WNT7B: variants seen among roughly 807,000 people sequenced by gnomAD.
WNT7B encodes the protein protein Wnt-7b.
In WNT7B, 19 loss-of-function variants were observed where a neutral mutation model predicts 38.2. That is an observed-to-expected ratio of 0.50 (90% confidence interval 0.35 to 0.73). The LOEUF is 0.73. Ranked by LOEUF, WNT7B falls within the 30% of genes least tolerant of loss-of-function variation. The probability of loss-of-function intolerance (pLI) is 0.01; values close to 1 mark genes in which losing one functional copy is unlikely to be tolerated. For missense variants in WNT7B, 423 were observed against 507.9 expected (o/e 0.83, Z 1.61); for synonymous variants, 243 against 209.3 (o/e 1.16, Z -1.39).
chr22:45,974,991 C>T (rs972216054), intron 1 of WNT7B, among the ~76,000 whole-genome samples: 8 of 152,106 alleles, frequency 5.3e-5, no homozygotes, highest in South Asian at 2.1e-4. Context: ...CCCACTCACT[C>T]GTGGGAGGAA....
At chr22:45,931,016 AGAG>A in intron 3 of WNT7B, 79 bp downstream of exon 3, 1 of 1,459,202 alleles carries the variant, frequency 6.9e-7, no homozygotes, top group Non-Finnish European at 9.0e-7. Context: ...TTCTGCTAGA[AGAG>A]GAGCCTGAGG....
chr22:45,974,319 A>G lies in WNT7B; in HGVS notation c.71+2365T>C, dbSNP rs115369792. Among the ~76,000 whole-genome samples, 574 of 152,214 alleles carry G rather than the reference A, an allele frequency of 3.8e-3. 6 individuals are homozygous for G. Among genetic ancestry groups the G allele is most frequent in the African/African-American group, 0.013 (546 of 41,520 alleles). On this transcript the variant is annotated intron_variant, in intron 1 of 3. Coordinates refer to ENST00000339464, the MANE Select transcript of WNT7B (RefSeq NM_058238.3). Reference sequence around the variant, plus strand: ...CAGCCCATTGGTCCCAGACTCCCCAACCTCCTCCTTAATGCAATGGGCTTC... The same window carrying G: ...CAGCCCATTGGTCCCAGACTCCCCAGCCTCCTCCTTAATGCAATGGGCTTC...
intron 1 of WNT7B, chr22:45,972,207 C>G: frequency 1.5e-6 from 1 of 648,608 alleles, no homozygotes; most frequent in East Asian, 3.4e-5. Flanking sequence ...TAGACGGAGA[C>G]GAGCGCGCTG....
Position 45,965,698 on chromosome 22 carries a change from A to T in WNT7B, c.71+10986T>A, listed in dbSNP as rs923173448. ...GGGGCGAAAGCAGGACAAGACCCAGAACAGAAGGCCTCTGGGCTTCCCATA... is the reference window on the plus strand; with the variant it reads ...GGGGCGAAAGCAGGACAAGACCCAGTACAGAAGGCCTCTGGGCTTCCCATA... On this transcript the variant is annotated intron_variant, in intron 1 of 3. Transcript: ENST00000339464. The surrounding 1 kb of genome is among the most constrained non-coding windows in gnomAD (Gnocchi z 6.5). Among the ~76,000 whole-genome samples, 8 of 152,296 alleles carry T rather than the reference A, an allele frequency of 5.3e-5. No homozygotes were observed. Among genetic ancestry groups the T allele is most frequent in the Non-Finnish European group, 8.8e-5 (6 of 68,002 alleles).
chr22:45,970,232 T>G (rs998869988), intron 1 of WNT7B, among the ~76,000 whole-genome samples: 3 of 152,206 alleles, frequency 2.0e-5, no homozygotes, highest in Non-Finnish European at 4.4e-5. Flanking sequence ...GGATGCAGTC[T>G]GCCTTCCTGT....
chr22:45,931,413 G>A (rs1333312980), intron 2 of WNT7B, 44 bp from the exon 3 acceptor site: 2 of 1,529,848 alleles, frequency 1.3e-6, no homozygotes, highest in South Asian at 1.2e-5. Context: ...CCAGGCCCTG[G>A]GCCAGGTGGG....
At chr22:45,953,565 G>C (rs1931988749) in intron 1 of WNT7B, among the ~76,000 whole-genome samples, 1 of 152,150 alleles carries the variant, frequency 6.6e-6, no homozygotes, top group African/African-American at 2.4e-5. Context: ...ACAACCCAGT[G>C]TTACAATGAG....
rs141987213 is a variant in WNT7B at position 45,959,044 on chromosome 22, G to A, written c.72-8898C>T. 2.8e-3 allele frequency among the ~76,000 whole-genome samples: 429 copies of A among 152,320 alleles called. 1 individual carries two copies. Among genetic ancestry groups the A allele is most frequent in the Non-Finnish European group, 4.8e-3 (326 of 68,030 alleles). ...GGCAGAACCCTGTCTTACTCCCCAC[G>A]ATATGCTGGGCCTGGTGCAAGGCCA... On this transcript the variant is annotated intron_variant, in intron 1 of 3. Coordinates refer to ENST00000339464, the MANE Select transcript of WNT7B (RefSeq NM_058238.3).
intron 2 of WNT7B, among the ~76,000 whole-genome samples, chr22:45,948,318 A>G (rs1416221028): frequency 6.6e-6 from 1 of 152,080 alleles, no homozygotes; most frequent in Non-Finnish European, 1.5e-5. Flanking sequence ...ACCTGGAGGG[A>G]GGGAACTGCA....
chr22:45,972,133 G>A (rs769924586), intron 1 of WNT7B: 9 of 147,622 alleles, frequency 6.1e-5, no homozygotes, highest in South Asian at 1.5e-4. Context: ...CGCCCACCCC[G>A]CACGCCGCCC....
At chr22:45,952,612 G>A (rs759938101) in intron 1 of WNT7B, among the ~76,000 whole-genome samples, 1 of 152,260 alleles carries the variant, frequency 6.6e-6, no homozygotes, top group Non-Finnish European at 1.5e-5. Context: ...CAGCCTGAGG[G>A]ACACTCTCCA....
At chr22:45,956,983 G>A (rs1932079561) in intron 1 of WNT7B, among the ~76,000 whole-genome samples, 1 of 152,050 alleles carries the variant, frequency 6.6e-6, no homozygotes, top group Non-Finnish European at 1.5e-5. Context: ...GCGTGTGCCT[G>A]TAGTCCCAGC....
chr22:45,967,282 C>T (rs749654309), intron 1 of WNT7B, among the ~76,000 whole-genome samples: 13 of 152,076 alleles, frequency 8.5e-5, no homozygotes, highest in Non-Finnish European at 1.6e-4. Flanking sequence ...GGAGGGCGCC[C>T]GGCCTCCTGT....
chr22:45,943,015 G>A (rs765287786), intron 2 of WNT7B, among the ~76,000 whole-genome samples: 15 of 151,568 alleles, frequency 9.9e-5, no homozygotes, highest in Non-Finnish European at 2.1e-4. Context: ...TGTGTGCAGT[G>A]TGCATGTGTA....
At chr22:45,927,220 C>A (rs919898524) in intron 3 of WNT7B, 2 of 985,304 alleles carry the variant, frequency 2.0e-6, no homozygotes, top group Non-Finnish European at 1.2e-6. Flanking sequence ...GCACTGGGCA[C>A]TCAGGTCTCC....
chr22:45,922,271 AGGGTGTCTAGGGGATG>A lies in WNT7B; in HGVS notation c.*569_*584del, dbSNP rs1248759365. On this transcript the variant is annotated 3_prime_UTR_variant, in exon 4 of 4. Transcript: ENST00000339464. ...CAGGTGGGGCCGGGAAAGGAAACAG[AGGGTGTCTAGGGGATG>A]GGCTGACACAGAGTACGGAGTTAGG... is the stretch of plus-strand genomic sequence containing the variant. The A allele has an allele frequency of 6.6e-6, 1 of 152,630 alleles. No homozygotes were observed. Among genetic ancestry groups the A allele is most frequent in the Non-Finnish European group, 1.5e-5 (1 of 68,504 alleles). The allele number at this position is 152,630 out of a possible 1,614,324, so 9.5% of individuals were successfully genotyped here. A position where few individuals can be genotyped will look rare whatever the true frequency, so the allele number is the denominator to read the frequency against.
At chr22:45,945,417 T>C (rs1374981947) in intron 2 of WNT7B, among the ~76,000 whole-genome samples, 1 of 152,238 alleles carries the variant, frequency 6.6e-6, no homozygotes, top group Non-Finnish European at 1.5e-5. Context: ...ATTTAGCCAA[T>C]ATATCCAAAA....
rs1931346850 is a variant in WNT7B, at chr22:45,931,270, C to T, written c.398G>A (p.Cys133Tyr). The change falls in exon 3 of 4, where the codon TGC becomes TAC. Residue 133 changes from cysteine (C) to tyrosine (Y), a missense_variant. Cys to Tyr is a radical substitution (Grantham distance 194, BLOSUM62 -2). Coordinates refer to ENST00000339464, the MANE Select transcript of WNT7B (RefSeq NM_058238.3). ...GTAGTAGCCCTGCTTCTCGCGGTCG[C>T]AGCCGCAGTTGCTCAGGTTCCCTTG... is the stretch of plus-strand genomic sequence containing the variant. Reference protein sequence around the residue: ...CSQGNLSNCGCDREKQGYYNQ... With the variant: ...CSQGNLSNCGYDREKQGYYNQ... 6.3e-7 allele frequency: 1 copy of T among 1,598,652 alleles called. No individual in the cohort carries two copies. The highest frequency in any genetic ancestry group is 8.5e-7 in the Non-Finnish European group (1 of 1,179,766).
chr22:45,927,010 C>A, intron 3 of WNT7B: 1 of 985,468 alleles, frequency 1.0e-6, no homozygotes, highest in Non-Finnish European at 1.2e-6. Context: ...TGGTGGAACT[C>A]CACAGCGATA....
Sources: gnomAD v4.1 joint callset for allele counts (sites outside exome capture counted in the v4.1 genomes callset) on GRCh38, gnomAD v4.1.1 for gene constraint, Gnocchi (gnomAD v3.1) non-coding constraint, MANE v1.5 for transcripts, NCBI Gene and HGNC (gene_info 2026-07-23, HGNC 2026-07-21) for gene names.